The following NPY2R variants were observed in gnomAD, a reference collection of about 807,000 sequenced individuals.
NPY2R encodes neuropeptide Y receptor type 2.
A neutral mutation model predicts 22.3 loss-of-function variants in NPY2R; 17 were observed. The observed-to-expected ratio is 0.76, with a 90% CI of 0.52 to 1.14. NPY2R has a LOEUF of 1.14. Among genes scored for constraint, NPY2R ranks in the 50% most tolerant of loss-of-function variants. The pLI is 0.00. For synonymous variants in NPY2R, 209 were observed against 183.4 expected (o/e 1.14, Z -1.13); for missense variants, 424 against 467.9 (o/e 0.91, Z 0.87).
chr4:155,174,486 T>TATATATATATATATATATATATATA, the NPY2R span, among the ~76,000 whole-genome samples: 104 of 68,590 alleles, frequency 1.5e-3, no homozygotes, highest in African/African-American at 7.9e-3. Context: ...ATATATATAT[T>TATATATATATATATATATATATATA]TTTTTTTTTA....
At chr4:155,195,939 A>G in the NPY2R span, among the ~76,000 whole-genome samples, 1 of 152,064 alleles carries the variant, frequency 6.6e-6, no homozygotes, top group Non-Finnish European at 1.5e-5. Context: ...TAACTCAGTG[A>G]TGATAAGGAA....
chr4:155,188,802 C>T, the NPY2R span, among the ~76,000 whole-genome samples: 3 of 152,144 alleles, frequency 2.0e-5, no homozygotes, highest in South Asian at 4.2e-4. Context: ...CAGATGGGAC[C>T]CCATATTTGT....
At chr4:155,192,729 A>G in the NPY2R span, among the ~76,000 whole-genome samples, 1 of 151,932 alleles carries the variant, frequency 6.6e-6, no homozygotes, top group Admixed American at 6.6e-5. Flanking sequence ...AGACTTCAAG[A>G]GAGGCACAAC....
At chr4:155,175,690 T>C in the NPY2R span, among the ~76,000 whole-genome samples, 1 of 152,172 alleles carries the variant, frequency 6.6e-6, no homozygotes, top group East Asian at 1.9e-4. Context: ...ACTAATCTAC[T>C]AGCTCATCTT....
At chr4:155,180,047 G>A in the NPY2R span, among the ~76,000 whole-genome samples, 1 of 150,374 alleles carries the variant, frequency 6.7e-6, no homozygotes, top group African/African-American at 2.4e-5. Flanking sequence ...ACAGAGGGGT[G>A]ATTCCAGACA....
At chr4:155,202,449 A>G in the NPY2R span, among the ~76,000 whole-genome samples, 2 of 152,282 alleles carry the variant, frequency 1.3e-5, no homozygotes, top group South Asian at 2.1e-4. Flanking sequence ...TGTACAATTC[A>G]TCTTTACACG....
At chr4:155,182,479 G>T in the NPY2R span, among the ~76,000 whole-genome samples, 1 of 151,966 alleles carries the variant, frequency 6.6e-6, no homozygotes. Flanking sequence ...GAGAAGTTTT[G>T]GTGGCTGCAT....
chr4:155,198,851 T>G, the NPY2R span, among the ~76,000 whole-genome samples: 1 of 151,766 alleles, frequency 6.6e-6, no homozygotes, highest in Non-Finnish European at 1.5e-5. Context: ...TACAGGTAGC[T>G]CTCCACACTT....
chr4:155,210,743 T>G (rs970795796), intron 1 of NPY2R, among the ~76,000 whole-genome samples: 12 of 152,088 alleles, frequency 7.9e-5, no homozygotes, highest in African/African-American at 2.9e-4. Context: ...GGCAAACACC[T>G]GAGTACATGG....
chr4:155,198,595 T>TA, the NPY2R span, among the ~76,000 whole-genome samples: 1 of 147,328 alleles, frequency 6.8e-6, no homozygotes, highest in African/African-American at 2.5e-5. Context: ...TTATATATAA[T>TA]ATATATATTT....
rs1160279905 is a variant in NPY2R at position 155,217,010 on chromosome 4, T to C, written c.*1925T>C. The C allele has an allele frequency of 6.0e-6, 1 of 166,886 alleles. No individual in the cohort carries two copies. Among genetic ancestry groups the C allele is most frequent in the Non-Finnish European group, 1.5e-5 (1 of 68,122 alleles). The allele number at this position is 166,886 out of a possible 1,614,324, so 10.3% of individuals were successfully genotyped here. ...CATATATCTTATCCAATTCATTATG[T>C]CAATTCATTAATAAAATACCTTTTA... On this transcript the variant is annotated 3_prime_UTR_variant, in exon 2 of 2. Transcript: ENST00000329476.
rs1729491159 is a variant in NPY2R, at chr4:155,215,191, G to T, written c.*106G>T. The stretch of plus-strand genomic sequence containing the variant: ...TGATTTCCCATTTTAAAGAAGAAGT[G>T]GATCTAAATGGAAGCATCTGCTGTT... On this transcript the variant is annotated 3_prime_UTR_variant, in exon 2 of 2. Coordinates refer to ENST00000329476, the MANE Select transcript of NPY2R (RefSeq NM_000910.4). The T allele has an allele frequency of 9.5e-7, 1 of 1,049,742 alleles. No individual in the cohort carries two copies. The highest frequency in any genetic ancestry group is 1.6e-5 in the African/African-American group (1 of 63,510). 65.0% of individuals were successfully genotyped at this position (1,049,742 alleles called of 1,614,324 possible).
At chr4:155,187,394 G>T in the NPY2R span, among the ~76,000 whole-genome samples, 2 of 152,154 alleles carry the variant, frequency 1.3e-5, no homozygotes, top group East Asian at 3.9e-4. Context: ...CTGGTTTTCT[G>T]GTCATTGTCG....
chr4:155,213,564 A>C (rs1180552789), intron 1 of NPY2R, among the ~76,000 whole-genome samples: 2 of 152,210 alleles, frequency 1.3e-5, no homozygotes, highest in East Asian at 3.8e-4. Flanking sequence ...TAAAGTTTAT[A>C]ATATTCATTC....
the NPY2R span, among the ~76,000 whole-genome samples, chr4:155,197,369 T>C: frequency 6.6e-6 from 1 of 151,918 alleles, no homozygotes; most frequent in African/African-American, 2.4e-5. Context: ...ACTTATAATT[T>C]ATGCTATTGT....
the NPY2R span, among the ~76,000 whole-genome samples, chr4:155,178,033 G>A: frequency 4.6e-5 from 7 of 152,088 alleles, no homozygotes; most frequent in South Asian, 8.3e-4. Context: ...TCTAATTTTA[G>A]TTATAAGAAT....
upstream of NPY2R, among the ~76,000 whole-genome samples, chr4:155,206,082 G>A (rs1004701472): frequency 2.0e-5 from 3 of 152,048 alleles, no homozygotes; most frequent in African/African-American, 7.2e-5. Context: ...AAGGTGTTAT[G>A]GCAATCAACA....
upstream of NPY2R, among the ~76,000 whole-genome samples, chr4:155,203,979 G>A (rs1416178579): frequency 6.6e-6 from 1 of 152,126 alleles, no homozygotes; most frequent in Non-Finnish European, 1.5e-5. Flanking sequence ...TTCCACTTCA[G>A]CTGGCTGTGC....
At chr4:155,183,008 G>A in the NPY2R span, among the ~76,000 whole-genome samples, 18 of 152,188 alleles carry the variant, frequency 1.2e-4, no homozygotes, top group African/African-American at 4.3e-4. Context: ...GGCCAGGCTG[G>A]TTTCAAACTC....
Sources: gnomAD v4.1 joint callset for allele counts (sites outside exome capture counted in the v4.1 genomes callset) on GRCh38, gnomAD v4.1.1 for gene constraint, MANE v1.5 for transcripts, NCBI Gene and HGNC (gene_info 2026-07-23, HGNC 2026-07-21) for gene names.